Variants in GSG1L observed in about 807,000 individuals in gnomAD.
The protein encoded by GSG1L is germ cell-specific gene 1-like protein.
In GSG1L, 24 loss-of-function variants were observed where a neutral mutation model predicts 42.1. The ratio of observed to expected loss-of-function variants is 0.57; its 90% CI spans 0.41 to 0.80. The LOEUF is 0.80. GSG1L is among the 30% of genes least tolerant of loss of function. The pLI, the probability that GSG1L is intolerant of heterozygous loss-of-function variation, is 0.00. For synonymous variants in GSG1L, 215 were observed against 203.5 expected, an observed-to-expected ratio of 1.06 and a Z score of -0.48; for missense variants, 445 against 472.2, an observed-to-expected ratio of 0.94 and a Z score of 0.53.
intron 3 of GSG1L, among the ~76,000 whole-genome samples, chr16:27,849,276 G>A (rs558844269): frequency 6.6e-6 from 1 of 151,860 alleles, no homozygotes; most frequent in African/African-American, 2.4e-5. Flanking sequence ...GCAGGCAGGA[G>A]CAGGGCCATG....
At chr16:27,997,279 C>T (rs1234070405) in intron 1 of GSG1L, among the ~76,000 whole-genome samples, 2 of 150,868 alleles carry the variant, frequency 1.3e-5, no homozygotes, top group African/African-American at 4.9e-5. Context: ...CACACCTCTC[C>T]CTCTGCCTAC....
At chr16:27,985,687 A>C (rs1335907948) in intron 1 of GSG1L, among the ~76,000 whole-genome samples, 3 of 151,982 alleles carry the variant, frequency 2.0e-5, no homozygotes, top group Non-Finnish European at 4.4e-5. Flanking sequence ...CTACTAAAAA[A>C]AAAAATACAA....
chr16:27,920,230 G>A (rs890066619), intron 2 of GSG1L, among the ~76,000 whole-genome samples: 3 of 119,176 alleles, frequency 2.5e-5, no homozygotes, highest in African/African-American at 3.8e-5. Context: ...TGGTGTGGGC[G>A]AAGGTGGTGA....
chr16:27,869,905 CTCTG>C (rs2083792002), intron 3 of GSG1L, among the ~76,000 whole-genome samples: 1 of 147,522 alleles, frequency 6.8e-6, no homozygotes, highest in South Asian at 2.2e-4. Flanking sequence ...CTCCATCTCT[CTCTG>C]TCTCTGTCTC....
intron 2 of GSG1L, among the ~76,000 whole-genome samples, chr16:27,956,579 A>G (rs1383527162): frequency 6.6e-6 from 1 of 152,216 alleles, no homozygotes; most frequent in East Asian, 1.9e-4. Flanking sequence ...GCTGTGGCCA[A>G]TGGGATGTTG....
chr16:28,063,594 G>C lies in GSG1L; in HGVS notation c.-170C>G. The C allele has an allele frequency of 5.6e-6, 1 of 178,568 alleles. No individual in the cohort carries two copies. Among genetic ancestry groups the C allele is most frequent in the Non-Finnish European group, 1.1e-5 (1 of 93,954 alleles). 11.1% of individuals were successfully genotyped at this position (178,568 alleles called of 1,614,324 possible). ...CCCATGCCCCCCCCAACCCCGGGGT[G>C]GGGGCGCGGCGCGGGGGGCGTGCGG... On this transcript the variant is annotated 5_prime_UTR_variant, in exon 1 of 7. Coordinates refer to ENST00000447459, the MANE Select transcript of GSG1L (RefSeq NM_001109763.2). The surrounding 1 kb of genome is among the most constrained non-coding windows in gnomAD (Gnocchi z 5.8).
At chr16:27,952,618 G>A (rs908468011) in intron 2 of GSG1L, among the ~76,000 whole-genome samples, 1 of 152,172 alleles carries the variant, frequency 6.6e-6, no homozygotes, top group Non-Finnish European at 1.5e-5. Context: ...AGGCAGACAA[G>A]AACTAGACCG....
At chr16:27,935,028 G>A (rs140366895) in intron 2 of GSG1L, among the ~76,000 whole-genome samples, 2 of 152,366 alleles carry the variant, frequency 1.3e-5, no homozygotes, top group African/African-American at 2.4e-5. Flanking sequence ...CATAAAACGA[G>A]ATCATTTCGG....
intron 1 of GSG1L, among the ~76,000 whole-genome samples, chr16:27,993,426 G>A (rs1347892969): frequency 6.6e-5 from 10 of 152,102 alleles, no homozygotes; most frequent in Non-Finnish European, 8.8e-5. Flanking sequence ...AAGAGCCACC[G>A]CACCTGGCCT....
At chr16:27,801,435 C>A (rs1678407484) in intron 6 of GSG1L, among the ~76,000 whole-genome samples, 1 of 152,220 alleles carries the variant, frequency 6.6e-6, no homozygotes, top group Non-Finnish European at 1.5e-5. Flanking sequence ...ATAATGCCGG[C>A]TCCCTGACAT....
chr16:27,976,445 A>T (rs1460432719), intron 1 of GSG1L, among the ~76,000 whole-genome samples: 1 of 152,230 alleles, frequency 6.6e-6, no homozygotes, highest in Non-Finnish European at 1.5e-5. Flanking sequence ...AGCAATTAAT[A>T]GTACTTCATA....
At chr16:27,914,609 G>A (rs1301379895) in intron 2 of GSG1L, among the ~76,000 whole-genome samples, 1 of 148,022 alleles carries the variant, frequency 6.8e-6, no homozygotes, top group Admixed American at 6.8e-5. Flanking sequence ...CTGCAGCCTC[G>A]ACCTCCCAGG....
intron 1 of GSG1L, among the ~76,000 whole-genome samples, chr16:27,972,929 C>T (rs1037331130): frequency 6.6e-6 from 1 of 152,196 alleles, no homozygotes; most frequent in Non-Finnish European, 1.5e-5. Context: ...ACCGGCCGAT[C>T]CTTCAGGGAA....
At chr16:27,855,201 C>CT (rs1262564983) in intron 3 of GSG1L, among the ~76,000 whole-genome samples, 3 of 152,184 alleles carry the variant, frequency 2.0e-5, no homozygotes, top group African/African-American at 7.2e-5. Context: ...TTGTCCCCTG[C>CT]TGAGGACTTT....
Position 27,803,582 on chromosome 16 carries a change from A to C in GSG1L, c.898+3905T>G, listed in dbSNP as rs1244525246. Among the ~76,000 whole-genome samples the C allele has an allele frequency of 2.0e-5, 3 of 152,024 alleles. No homozygotes were observed. The East Asian group carries it at 5.8e-4, about 29-fold the overall frequency. On this transcript the variant is annotated intron_variant, in intron 6 of 6. Transcript: ENST00000447459. ...GAAACACAAACCAAGACACTCTAGG[A>C]ATTCTACCAGCAGAGGGTCCTTGAG...
chr16:27,973,439 CAAA>C (rs71140935), intron 1 of GSG1L, among the ~76,000 whole-genome samples: 264 of 29,824 alleles, frequency 8.9e-3, no homozygotes, highest in African/African-American at 0.019. Flanking sequence ...GACCCCATCA[CAAA>C]AAAAAAAAAA....
At chr16:27,909,389 T>C (rs1432450807) in intron 2 of GSG1L, among the ~76,000 whole-genome samples, 2 of 147,252 alleles carry the variant, frequency 1.4e-5, no homozygotes, top group Admixed American at 6.8e-5. Flanking sequence ...TTCTTTTTTT[T>C]TTTTTTTTTG....
chr16:27,803,793 A>ATATATATAAT (rs1567460435), intron 6 of GSG1L, among the ~76,000 whole-genome samples: 1 of 56,108 alleles, frequency 1.8e-5, no homozygotes, highest in African/African-American at 7.5e-5. Flanking sequence ...ATATATATAT[A>ATATATATAAT]TAGATAGATA....
At chr16:27,809,122 G>C in intron 5 of GSG1L, among the ~76,000 whole-genome samples, 1 of 152,174 alleles carries the variant, frequency 6.6e-6, no homozygotes, top group Non-Finnish European at 1.5e-5. Context: ...GCTAGGCATG[G>C]TGGCTCATAT....
Sources: gnomAD v4.1 joint callset for allele counts (sites outside exome capture counted in the v4.1 genomes callset) on GRCh38, gnomAD v4.1.1 for gene constraint, Gnocchi (gnomAD v3.1) non-coding constraint, MANE v1.5 for transcripts, NCBI Gene and HGNC (gene_info 2026-07-23, HGNC 2026-07-21) for gene names.